The following ZNF549 variants were observed in gnomAD, a reference collection of about 807,000 sequenced individuals.
ZNF549 encodes the protein zinc finger protein 549.
Under a neutral mutation model 11.1 loss-of-function variants are expected in ZNF549, and 11 were observed. That is an observed-to-expected ratio of 0.99 (90% CI 0.62 to 1.64). The LOEUF (loss-of-function observed/expected upper bound fraction) is 1.64. Among genes scored for constraint, ZNF549 ranks in the 40% most tolerant of loss-of-function variants. The pLI is 0.00. For synonymous variants in ZNF549, 266 were observed against 269.1 expected, an observed-to-expected ratio of 0.99 and a Z score of 0.11; for missense variants, 748 against 765.1, an observed-to-expected ratio of 0.98 and a Z score of 0.26.
chr19:57,537,178 C>A, intron 3 of ZNF549, 26 bp from the exon 4 acceptor site: 1 of 1,593,692 alleles, frequency 6.3e-7, no homozygotes. Flanking sequence ...TCTGCATATA[C>A]TTCACTTGCA....
rs1403375218 is a variant in ZNF549 at position 57,537,363 on chromosome 19, G to A, written c.359G>A (p.Ser120Asn). 6.2e-7 allele frequency: 1 copy of A among 1,614,076 alleles called. No homozygotes were observed. Among genetic ancestry groups the A allele is most frequent in the Admixed American group, 1.7e-5 (1 of 59,996 alleles). Reference sequence around the variant, plus strand: ...GTCATGAAAGACATTTTGTACCTCAGTGAGCATCAGGGGACACTTCCCTGG... The same window carrying A: ...GTCATGAAAGACATTTTGTACCTCAATGAGCATCAGGGGACACTTCCCTGG... ...ILVMKDILYL[S>N]EHQGTLPWQK... The change falls in exon 4 of 4, where the codon AGT becomes AAT. Residue 120 changes from serine to asparagine, a missense_variant. Ser to Asn is a conservative substitution (Grantham distance 46). Coordinates refer to ENST00000376233, the MANE Select transcript of ZNF549 (RefSeq NM_001199295.2).
chr19:57,537,072 T>C, intron 3 of ZNF549, 132 bp from the exon 4 acceptor site: 2 of 1,045,688 alleles, frequency 1.9e-6, no homozygotes, highest in South Asian at 3.3e-5. Context: ...CCCATCTGGG[T>C]GACAGAGCAA....
intron 1 of ZNF549, among the ~76,000 whole-genome samples, chr19:57,530,108 A>G (rs1238168030): frequency 2.6e-5 from 4 of 152,162 alleles, no homozygotes; most frequent in Admixed American, 2.6e-4. Context: ...GTTTTATGAG[A>G]TGGCTTAGGG....
Position 57,537,322 on chromosome 19 carries a change from T to C in ZNF549, c.318T>C (p.Cys106=), listed in dbSNP as rs751116865. ...LGPSIPNAHS[C]EMCILVMKDI... Reference sequence around the variant, plus strand: ...CTTCCATCCCAAATGCTCATTCTTGTGAGATGTGTATCCTGGTCATGAAAG... The same window carrying C: ...CTTCCATCCCAAATGCTCATTCTTGCGAGATGTGTATCCTGGTCATGAAAG... Residue 106 remains cysteine, a synonymous_variant, in exon 4 of 4, where the codon TGT becomes TGC. Coordinates refer to ENST00000376233, the MANE Select transcript of ZNF549 (RefSeq NM_001199295.2). 13 of 1,614,112 alleles carry C rather than the reference T, an allele frequency of 8.1e-6. No individual in the cohort carries two copies. Among genetic ancestry groups the C allele is most frequent in the Non-Finnish European group, 1.1e-5 (13 of 1,180,040 alleles).
chr19:57,534,010 C>T (rs1333139372), intron 2 of ZNF549, among the ~76,000 whole-genome samples: 1 of 152,082 alleles, frequency 6.6e-6, no homozygotes, highest in Non-Finnish European at 1.5e-5. Flanking sequence ...GAGACAGACA[C>T]GTGGAGTTCA....
Position 57,527,961 on chromosome 19 carries a change from G to A in ZNF549, c.33+355G>A, listed in dbSNP as rs553279702. Among the ~76,000 whole-genome samples the A allele has an allele frequency of 1.2e-4, 18 of 152,280 alleles. No homozygotes were observed. In the South Asian group the frequency reaches 3.3e-3, roughly 28 times the overall value. ...GAGCCATGGAGGGTTGTGAACTAAA[G>A]GAGAACACGATCTGAGTGAGGGTCT... is the stretch of plus-strand genomic sequence containing the variant. On this transcript the variant is annotated intron_variant, in intron 1 of 3. Transcript: ENST00000376233.
Position 57,537,063 on chromosome 19 carries a change from C to T in ZNF549, c.200-141C>T. On this transcript the variant is annotated intron_variant, in intron 3 of 3. Transcript: ENST00000376233. ...GTGAGATATGACTGCAACTGCACTC[C>T]CATCTGGGTGACAGAGCAAGACCCT... 2.1e-6 allele frequency: 2 copies of T among 931,824 alleles called. 1 individual carries two copies. Among genetic ancestry groups the T allele is most frequent in the South Asian group, 3.6e-5 (2 of 56,236 alleles). The allele number at this position is 931,824 out of a possible 1,614,324, so 57.7% of individuals were successfully genotyped here.
chr19:57,537,482 A>G lies in ZNF549; in HGVS notation c.478A>G (p.Ile160Val). The G allele has an allele frequency of 6.2e-7, 1 of 1,614,242 alleles. No homozygotes were observed. The highest frequency in any genetic ancestry group is 8.5e-7 in the Non-Finnish European group (1 of 1,180,048). ...GAACCAGGACAGTGGAGAGAAACAC[A>G]TCAGAAAGGAGGAGAGCAGTGCCTT... The part of the protein sequence containing the change: ...HQNQDSGEKH[I>V]RKEESSALLL... Residue 160 changes from isoleucine to valine, a missense_variant, in exon 4 of 4, where the codon ATC becomes GTC. Transcript: ENST00000376233.
At position 57,540,687 on chromosome 19, in the gene ZNF549, G is replaced by A. The variant is rs1395194220; in HGVS notation, c.*1760G>A. On this transcript the variant is annotated 3_prime_UTR_variant, in exon 4 of 4. Coordinates refer to ENST00000376233, the MANE Select transcript of ZNF549 (RefSeq NM_001199295.2). ...AGGCAGGAGAATTGCTTGAACCTGG[G>A]GGGCGGAGGTTGCAATGAGCCAAGG... is the stretch of plus-strand genomic sequence containing the variant. The A allele has an allele frequency of 6.6e-6, 1 of 152,196 alleles. No homozygotes were observed. The highest frequency in any genetic ancestry group is 1.5e-5 in the Non-Finnish European group (1 of 68,050). The allele number at this position is 152,196 out of a possible 1,614,324, so 9.4% of individuals were successfully genotyped here. A position where few individuals can be genotyped will look rare whatever the true frequency, so the allele number is the denominator to read the frequency against.
intron 1 of ZNF549, among the ~76,000 whole-genome samples, chr19:57,528,591 C>T (rs777944965): frequency 2.3e-4 from 35 of 152,088 alleles, no homozygotes; most frequent in Non-Finnish European, 5.0e-4. Flanking sequence ...CATGGGGTTC[C>T]GGGGGTACTT....
At chr19:57,534,543 G>T (rs2089916354) in intron 2 of ZNF549, among the ~76,000 whole-genome samples, 1 of 152,194 alleles carries the variant, frequency 6.6e-6, no homozygotes, top group South Asian at 2.1e-4. Flanking sequence ...GGAAAGATAT[G>T]ACTGGTGTGG....
At chr19:57,535,466 T>G in intron 3 of ZNF549, 196 bp downstream of exon 3, 1 of 682,072 alleles carries the variant, frequency 1.5e-6, no homozygotes, top group Non-Finnish European at 2.3e-6. Flanking sequence ...CTGAAGCCTT[T>G]TAGTTAAGAG....
In ZNF549 at chr19:57,539,147, C is replaced by T. The variant is rs1239638306; in HGVS notation, c.*220C>T. The stretch of plus-strand genomic sequence containing the variant: ...ACACTACCATGTGGCATATCCTCAC[C>T]GTTTTCATCAGTCACTCACATGTGC... On this transcript the variant is annotated 3_prime_UTR_variant, in exon 4 of 4. Coordinates refer to ENST00000376233, the MANE Select transcript of ZNF549 (RefSeq NM_001199295.2). 1.2e-5 allele frequency: 6 copies of T among 520,024 alleles called. No individual in the cohort carries two copies. The highest frequency in any genetic ancestry group is 2.8e-5 in the South Asian group (1 of 36,352). 32.2% of individuals were successfully genotyped at this position (520,024 alleles called of 1,614,324 possible).
intron 3 of ZNF549, 53 bp downstream of exon 3, chr19:57,535,323 CT>C: frequency 6.4e-6 from 10 of 1,558,200 alleles, no homozygotes; most frequent in Admixed American, 1.8e-5. Flanking sequence ...TGCTCTTCCC[CT>C]TTTTCCAGGA....
At position 57,529,888 on chromosome 19, in the gene ZNF549, AAAAT is replaced by A. The variant is rs373261612; in HGVS notation, c.34-1170_34-1167del. ...GCGACAGAGCGAGGCTCCGTCTCCA[AAAAT>A]AAATAAATAAAATAAATAAATAAAT... On this transcript the variant is annotated intron_variant, in intron 1 of 3. Transcript: ENST00000376233. Among the ~76,000 whole-genome samples, 14 of 152,030 alleles carry A rather than the reference AAAAT, an allele frequency of 9.2e-5. No individual in the cohort carries two copies. In the South Asian group the frequency reaches 1.7e-3, roughly 18 times the overall value.
chr19:57,530,916 G>A (rs758454990), intron 1 of ZNF549, among the ~76,000 whole-genome samples, 154 bp from the exon 2 acceptor site: 2 of 151,420 alleles, frequency 1.3e-5, no homozygotes, highest in Non-Finnish European at 2.9e-5. Flanking sequence ...ATGGCACTAC[G>A]AGATAGCCAC....
chr19:57,535,104 A>G, intron 2 of ZNF549, 40 bp from the exon 3 acceptor site: 1 of 1,605,274 alleles, frequency 6.2e-7, no homozygotes, highest in Non-Finnish European at 8.5e-7. Flanking sequence ...GTTCCTGGGG[A>G]TTGAGTCTGC....
At chr19:57,535,382 G>A (rs1179607948) in intron 3 of ZNF549, 112 bp downstream of exon 3, 3 of 1,454,192 alleles carry the variant, frequency 2.1e-6, no homozygotes, top group Non-Finnish European at 2.8e-6. Flanking sequence ...TTCTTTCCTT[G>A]GTTCTTGACC....
chr19:57,529,610 A>G (rs1403978140), intron 1 of ZNF549, among the ~76,000 whole-genome samples: 1 of 152,198 alleles, frequency 6.6e-6, no homozygotes, highest in East Asian at 1.9e-4. Flanking sequence ...ACTGTTGGCC[A>G]GCGCAGTGGC....
Sources: allele counts gnomAD v4.1 joint callset (sites outside exome capture counted in the v4.1 genomes callset), GRCh38; gene constraint gnomAD v4.1.1; transcripts MANE v1.5; gene names NCBI Gene and HGNC (gene_info 2026-07-23, HGNC 2026-07-21).